The following STK3 variants were observed in gnomAD, a reference collection of about 807,000 sequenced individuals.
The protein encoded by STK3 is serine/threonine-protein kinase 3.
A neutral mutation model predicts 58.0 loss-of-function variants in STK3; 41 were observed. That is an observed-to-expected ratio of 0.71 (90% CI 0.55 to 0.92). STK3 has a LOEUF of 0.92. Ranked by LOEUF, STK3 falls within the 40% of genes least tolerant of loss-of-function variation. The probability of loss-of-function intolerance (pLI) is 0.00; values close to 1 mark genes in which losing one functional copy is unlikely to be tolerated. For missense variants in STK3, 479 were observed against 602.7 expected, an observed-to-expected ratio of 0.79 and a Z score of 2.15; for synonymous variants, 170 against 191.0, an observed-to-expected ratio of 0.89 and a Z score of 0.91.
intron 3 of STK3, among the ~76,000 whole-genome samples, chr8:98,393,323 A>T (rs1817865570): frequency 6.6e-6 from 1 of 152,160 alleles, no homozygotes; most frequent in African/African-American, 2.4e-5. Flanking sequence ...CCTCAGCCCA[A>T]TTCCTATGGA....
At chr8:98,653,854 C>A (rs1821206915) in intron 6 of STK3, among the ~76,000 whole-genome samples, 1 of 151,936 alleles carries the variant, frequency 6.6e-6, no homozygotes, top group Non-Finnish European at 1.5e-5. Flanking sequence ...GCTTACCAAC[C>A]AAAAAAACTC....
downstream of STK3, among the ~76,000 whole-genome samples, chr8:98,396,471 C>T (rs569684630): frequency 2.7e-4 from 41 of 152,242 alleles, 1 homozygote; most frequent in Admixed American, 1.9e-3. Flanking sequence ...GGGTGGTTGA[C>T]GCCATGGCTT....
chr8:98,452,511 T>C (rs1819242453), downstream of STK3, among the ~76,000 whole-genome samples: 1 of 152,156 alleles, frequency 6.6e-6, no homozygotes, highest in African/African-American at 2.4e-5. Context: ...AACTTTATCA[T>C]CTACAGGACA....
At chr8:98,754,261 A>C (rs562294386) in intron 3 of STK3, among the ~76,000 whole-genome samples, 4 of 152,282 alleles carry the variant, frequency 2.6e-5, no homozygotes, top group East Asian at 1.9e-4. Flanking sequence ...GAGAAACAAA[A>C]AAAAAAATTC....
chr8:98,806,879 G>A (rs1410890997), intron 1 of STK3, among the ~76,000 whole-genome samples: 1 of 152,194 alleles, frequency 6.6e-6, no homozygotes, highest in Admixed American at 6.5e-5. Flanking sequence ...GGTGGGCTGA[G>A]CACGGTGGCT....
At chr8:98,427,749 T>G in intron 3 of STK3, 1 of 476,470 alleles carries the variant, frequency 2.1e-6, no homozygotes. Flanking sequence ...GGTGGAGCTG[T>G]GCTAATAGAA....
intron 10 of STK3, among the ~76,000 whole-genome samples, chr8:98,520,948 C>T (rs1253273757): frequency 1.3e-5 from 2 of 152,092 alleles, no homozygotes; most frequent in African/African-American, 2.4e-5. Context: ...CTCTCTTTGC[C>T]CCTCTTACAC....
intron 8 of STK3, among the ~76,000 whole-genome samples, chr8:98,563,149 A>G (rs1233911661): frequency 2.0e-5 from 3 of 152,128 alleles, no homozygotes; most frequent in East Asian, 1.9e-4. Flanking sequence ...AGACAAAAGA[A>G]ATGATACATA....
At chr8:98,749,575 T>C (rs1829843355) in intron 3 of STK3, among the ~76,000 whole-genome samples, 185 bp from the exon 4 acceptor site, 1 of 152,094 alleles carries the variant, frequency 6.6e-6, no homozygotes, top group African/African-American at 2.4e-5. Context: ...CTTTACTTCA[T>C]GGACGAAATT....
chr8:98,736,233 G>A (rs1828585920), intron 4 of STK3, among the ~76,000 whole-genome samples: 1 of 152,072 alleles, frequency 6.6e-6, no homozygotes, highest in East Asian at 1.9e-4. Flanking sequence ...GAGAAAATAA[G>A]CAAATTTTCA....
At chr8:98,752,705 A>AAT (rs1378167254) in intron 3 of STK3, among the ~76,000 whole-genome samples, 8 of 152,192 alleles carry the variant, frequency 5.3e-5, no homozygotes, top group African/African-American at 1.9e-4. Context: ...CTATGCATCC[A>AAT]ATAAAGGTCT....
At chr8:98,900,751 C>T (rs1437538672) in intron 1 of STK3, among the ~76,000 whole-genome samples, 1 of 151,330 alleles carries the variant, frequency 6.6e-6, no homozygotes, top group Non-Finnish European at 1.5e-5. Flanking sequence ...AACCTCCCCC[C>T]ACTGGGTTCA....
chr8:98,475,548 A>G (rs1226324510), intron 10 of STK3, among the ~76,000 whole-genome samples: 1 of 152,234 alleles, frequency 6.6e-6, no homozygotes, highest in East Asian at 1.9e-4. Flanking sequence ...GTTGAATACA[A>G]TTTGTTAAAG....
intron 7 of STK3, among the ~76,000 whole-genome samples, chr8:98,587,102 T>C (rs1268165037): frequency 6.6e-6 from 1 of 152,148 alleles, no homozygotes; most frequent in South Asian, 2.1e-4. Flanking sequence ...TTTCCTTCAG[T>C]TCTGCTCTGA....
chr8:98,833,227 T>C (rs1835605913), intron 3 of STK3, among the ~76,000 whole-genome samples: 1 of 152,150 alleles, frequency 6.6e-6, no homozygotes, highest in African/African-American at 2.4e-5. Context: ...GGGGGAGGGT[T>C]CCAGGTCATA....
At chr8:98,378,821 C>T (rs1185126127) in intron 2 of STK3, among the ~76,000 whole-genome samples, 2 of 152,184 alleles carry the variant, frequency 1.3e-5, no homozygotes, top group African/African-American at 2.4e-5. Flanking sequence ...CACAACTCTC[C>T]ACATGGCCCC....
chr8:98,705,367 C>T (rs1020627236), intron 6 of STK3, among the ~76,000 whole-genome samples: 4 of 151,230 alleles, frequency 2.6e-5, no homozygotes, highest in South Asian at 4.2e-4. Flanking sequence ...GAGCCATGAT[C>T]GCACTACTAC....
At chr8:98,423,002 A>G (rs1818190847) in intron 3 of STK3, among the ~76,000 whole-genome samples, 1 of 152,210 alleles carries the variant, frequency 6.6e-6, no homozygotes, top group Admixed American at 6.5e-5. Context: ...ACTGAGATCT[A>G]CTAAGCTGAT....
At chr8:98,913,268 C>T (rs1224898833) in intron 1 of STK3, among the ~76,000 whole-genome samples, 1 of 152,108 alleles carries the variant, frequency 6.6e-6, no homozygotes, top group African/African-American at 2.4e-5. Context: ...AAATGACTTG[C>T]AAATTAAAAC....
Sources: gnomAD v4.1 joint callset for allele counts (sites outside exome capture counted in the v4.1 genomes callset) on GRCh38, gnomAD v4.1.1 for gene constraint, MANE v1.5 for transcripts, NCBI Gene and HGNC (gene_info 2026-07-23, HGNC 2026-07-21) for gene names.